UNC79: variants seen among roughly 807,000 people sequenced by gnomAD.
UNC79 encodes the protein protein unc-79 homolog.
UNC79 carries 37 observed loss-of-function variants against 283.1 expected under a neutral mutation model. The ratio of observed to expected loss-of-function variants is 0.13; its 90% confidence interval spans 0.10 to 0.17. The LOEUF is 0.17. UNC79 is among the 10% of genes least tolerant of loss of function. UNC79 has a pLI of 1.00. For synonymous variants in UNC79, 1,107 were observed against 1,200.2 expected (o/e 0.92, Z 1.61); for missense variants, 2,272 against 3,211.1 (o/e 0.71, Z 7.07).
chr14:93,601,246 A>C (rs1596023473), intron 25 of UNC79, among the ~76,000 whole-genome samples: 7 of 138,042 alleles, frequency 5.1e-5, no homozygotes, highest in South Asian at 2.5e-4. Flanking sequence ...TTTATCCCTC[A>C]CCCCCCTTCC....
chr14:93,374,765 T>G (rs948839369), intron 1 of UNC79, among the ~76,000 whole-genome samples: 1 of 152,218 alleles, frequency 6.6e-6, no homozygotes, highest in African/African-American at 2.4e-5. Flanking sequence ...CAAGCTGGTC[T>G]CAAACTCCTG....
At chr14:93,433,782 A>C (rs549629089) in intron 1 of UNC79, among the ~76,000 whole-genome samples, 1 of 152,376 alleles carries the variant, frequency 6.6e-6, no homozygotes, top group South Asian at 2.1e-4. Context: ...TTGGACCAGC[A>C]AGAGAAAGTA....
intron 30 of UNC79, among the ~76,000 whole-genome samples, chr14:93,624,331 A>G (rs966638200): frequency 1.3e-5 from 2 of 152,224 alleles, no homozygotes; most frequent in Non-Finnish European, 2.9e-5. Flanking sequence ...GTCCTTGTTC[A>G]TAACAAGAAA....
intron 1 of UNC79, among the ~76,000 whole-genome samples, chr14:93,410,304 G>A (rs537276467): frequency 6.6e-6 from 1 of 152,344 alleles, no homozygotes; most frequent in Non-Finnish European, 1.5e-5. Context: ...TATCCCAGCG[G>A]TCTGAACTTT....
rs760171088 is a variant in UNC79 at position 93,600,819 on chromosome 14, C to T, written c.3574+49C>T. 17 of 1,582,196 alleles carry T rather than the reference C, an allele frequency of 1.1e-5. No individual in the cohort carries two copies. In the African/African-American group the frequency reaches 2.3e-4, roughly 21 times the overall value. ...GTAAACCGTTGCAGTTCCCATTGTG[C>T]TTGCCTAGACAAACAGAAGACATTG... On this transcript the variant is annotated intron_variant, in intron 25 of 48. Coordinates refer to ENST00000555664, the Ensembl canonical transcript of UNC79.
At chr14:93,488,854 A>C (rs2058582967) in intron 5 of UNC79, among the ~76,000 whole-genome samples, 1 of 152,224 alleles carries the variant, frequency 6.6e-6, no homozygotes, top group Non-Finnish European at 1.5e-5. Flanking sequence ...AATCTCATAC[A>C]TAAGGGCTCT....
chr14:93,605,087 A>C, intron 26 of UNC79, 126 bp downstream of exon 27: 1 of 938,424 alleles, frequency 1.1e-6, no homozygotes, highest in Non-Finnish European at 1.5e-6. Context: ...GAAGGGTCTT[A>C]CCCCAGATGT....
intron 22 of UNC79, among the ~76,000 whole-genome samples, 198 bp downstream of exon 22, chr14:93,587,106 T>C (rs1417412450): frequency 2.0e-5 from 3 of 152,236 alleles, no homozygotes; most frequent in Non-Finnish European, 2.9e-5. Flanking sequence ...GTAATTTCCA[T>C]TTGCCTGATA....
rs796177369 is a variant in UNC79, at chr14:93,676,459, A to G, written c.6741+3004A>G. On this transcript the variant is annotated intron_variant, in intron 41 of 48. Coordinates refer to ENST00000555664, the Ensembl canonical transcript of UNC79. ...AATATCCCGGGAGGGATTTAAGGTT[A>G]GCAGCCTGACTGTGTCTGGAGGTCA... 4.6e-5 allele frequency among the ~76,000 whole-genome samples: 7 copies of G among 152,340 alleles called. No individual in the cohort carries two copies. The South Asian group carries it at 1.5e-3, about 32-fold the overall frequency.
rs554606237 is a variant in UNC79 at position 93,375,818 on chromosome 14, A to C, written c.-351+42295A>C. ...TACCCCCATGATCCAATCATCTCCC[A>C]CCAGGCACCACCTTCAACATTGGGG... On this transcript the variant is annotated intron_variant, in intron 1 of 49. Transcript: ENST00000256339. Among the ~76,000 whole-genome samples, 4 of 152,330 alleles carry C rather than the reference A, an allele frequency of 2.6e-5. No homozygotes were observed. In the East Asian group the frequency reaches 7.7e-4, roughly 29 times the overall value.
intron 1 of UNC79, among the ~76,000 whole-genome samples, chr14:93,375,176 A>G (rs2054529552): frequency 6.6e-6 from 1 of 152,158 alleles, no homozygotes; most frequent in Non-Finnish European, 1.5e-5. Context: ...TGAGTCCAGG[A>G]GTTAAATACC....
At chr14:93,392,902 G>A (rs2054912884) in intron 1 of UNC79, among the ~76,000 whole-genome samples, 1 of 152,194 alleles carries the variant, frequency 6.6e-6, no homozygotes, top group Admixed American at 6.5e-5. Context: ...ATTGATATAT[G>A]CCTTGGGGAT....
At chr14:93,593,227 C>G (rs910609942) in intron 22 of UNC79, among the ~76,000 whole-genome samples, 52 of 152,144 alleles carry the variant, frequency 3.4e-4, no homozygotes, top group African/African-American at 1.2e-3. Context: ...GATTGATGAC[C>G]TGTCTGTTCT....
chr14:93,434,715 A>G (rs894748788), intron 1 of UNC79, among the ~76,000 whole-genome samples: 1 of 152,206 alleles, frequency 6.6e-6, no homozygotes. Flanking sequence ...AGCCCTGACT[A>G]CATCCTCTAT....
intron 1 of UNC79, among the ~76,000 whole-genome samples, chr14:93,342,769 C>T (rs537247011): frequency 1.4e-4 from 21 of 152,326 alleles, no homozygotes; most frequent in African/African-American, 2.2e-4. Context: ...CTTTGCTGCT[C>T]GGAAATTTCT....
At chr14:93,682,833 T>TAGGTTAA in intron 42 of UNC79, 139 bp downstream of exon 45, 1 of 716,668 alleles carries the variant, frequency 1.4e-6, no homozygotes, top group Non-Finnish European at 2.3e-6. Flanking sequence ...TTTTAACCTA[T>TAGGTTAA]AATTCTTTGA....
At chr14:93,701,656 A>C (rs2075539206) in intron 47 of UNC79, among the ~76,000 whole-genome samples, 1 of 152,192 alleles carries the variant, frequency 6.6e-6, no homozygotes, top group African/African-American at 2.4e-5. Flanking sequence ...AGAGAATGAA[A>C]ATGAAAGTTA....
chr14:93,662,862 T>C lies in UNC79; in HGVS notation c.6636+148T>C, dbSNP rs12587503. The stretch of plus-strand genomic sequence containing the variant: ...TACTGAGGTCTAATAAATACCATGG[T>C]AAGGAAACACTTTAAACACACACAC... On this transcript the variant is annotated intron_variant, in intron 40 of 48. Transcript: ENST00000555664. 6.7e-4 allele frequency: 357 copies of C among 536,582 alleles called. 4 individuals are homozygous for C. The East Asian group carries it at 7.8e-3, about 12-fold the overall frequency. 33.2% of individuals were successfully genotyped at this position (536,582 alleles called of 1,614,324 possible).
intron 1 of UNC79, among the ~76,000 whole-genome samples, chr14:93,387,728 A>G (rs571807345): frequency 6.6e-6 from 1 of 152,334 alleles, no homozygotes; most frequent in South Asian, 2.1e-4. Flanking sequence ...GTTGCATGAA[A>G]TGTTCTGTAA....
Sources: gnomAD v4.1 joint callset for allele counts (sites outside exome capture counted in the v4.1 genomes callset) on GRCh38, gnomAD v4.1.1 for gene constraint, MANE v1.5 for transcripts, NCBI Gene and HGNC (gene_info 2026-07-23, HGNC 2026-07-21) for gene names.